The following DGKI variants were observed in gnomAD, a reference collection of about 807,000 sequenced individuals.
DGKI encodes DAG kinase iota.
DGKI carries 55 observed loss-of-function variants against 147.5 expected under a neutral mutation model. The ratio of observed to expected loss-of-function variants is 0.37; its 90% CI spans 0.30 to 0.47. DGKI has a LOEUF of 0.47. Among genes scored for constraint, DGKI ranks in the 20% least tolerant of loss-of-function variants. The probability of loss-of-function intolerance (pLI) is 1.00; values close to 1 mark genes in which losing one functional copy is unlikely to be tolerated. For missense variants in DGKI, 1,007 were observed against 1,323.8 expected, an observed-to-expected ratio of 0.76 and a Z score of 3.71; for synonymous variants, 469 against 477.1, an observed-to-expected ratio of 0.98 and a Z score of 0.22.
intron 1 of DGKI, among the ~76,000 whole-genome samples, chr7:137,724,395 C>A (rs989864848): frequency 2.6e-5 from 4 of 152,122 alleles, no homozygotes; most frequent in African/African-American, 4.8e-5. Context: ...GAGAACATAT[C>A]TGAATTAGTT....
chr7:137,685,793 T>A (rs1007533997), intron 2 of DGKI, among the ~76,000 whole-genome samples: 4 of 152,146 alleles, frequency 2.6e-5, no homozygotes, highest in African/African-American at 9.7e-5. Flanking sequence ...CGCCTTAAAA[T>A]CTAACACAAT....
chr7:137,596,602 A>T (rs1203686161), intron 12 of DGKI, among the ~76,000 whole-genome samples: 1 of 152,232 alleles, frequency 6.6e-6, no homozygotes, highest in African/African-American at 2.4e-5. Context: ...AAAGTTAAAT[A>T]GGTTTGGCTT....
intron 19 of DGKI, among the ~76,000 whole-genome samples, 162 bp downstream of exon 19, chr7:137,571,013 C>T (rs1042480321): frequency 6.6e-6 from 1 of 152,156 alleles, no homozygotes. Context: ...TTCTTAGTGA[C>T]ATAAATGATG....
At chr7:137,723,699 C>CTTTT (rs769605042) in intron 1 of DGKI, among the ~76,000 whole-genome samples, 9 of 104,436 alleles carry the variant, frequency 8.6e-5, no homozygotes, top group Non-Finnish European at 1.2e-4. Context: ...CATGATATCC[C>CTTTT]TTTTTTTTTT....
intron 21 of DGKI, among the ~76,000 whole-genome samples, chr7:137,496,314 A>G (rs2128940200): frequency 6.6e-6 from 1 of 152,278 alleles, no homozygotes; most frequent in Non-Finnish European, 1.5e-5. Context: ...TAGAGATGAC[A>G]CAAACAAATA....
chr7:137,786,509 G>C (rs1322275561), intron 1 of DGKI, among the ~76,000 whole-genome samples: 2 of 151,770 alleles, frequency 1.3e-5, no homozygotes, highest in Non-Finnish European at 2.9e-5. Context: ...CTCATGAGTG[G>C]GTAGAATCAA....
chr7:137,737,366 T>C (rs771219021), intron 1 of DGKI, among the ~76,000 whole-genome samples: 12 of 152,066 alleles, frequency 7.9e-5, no homozygotes, highest in Non-Finnish European at 1.8e-4. Flanking sequence ...TTTGCAGAAA[T>C]TGAATCTGCA....
At chr7:137,664,367 G>A (rs1822555098) in intron 3 of DGKI, among the ~76,000 whole-genome samples, 1 of 96,932 alleles carries the variant, frequency 1.0e-5, no homozygotes, top group South Asian at 3.6e-4. Flanking sequence ...GACAGAGCAA[G>A]ACTCCATCTC....
intron 20 of DGKI, among the ~76,000 whole-genome samples, chr7:137,536,410 T>G (rs538038444): frequency 6.6e-6 from 1 of 152,232 alleles, no homozygotes; most frequent in Non-Finnish European, 1.5e-5. Context: ...TGGTTCTTGC[T>G]AACAGGAAGG....
intron 4 of DGKI, among the ~76,000 whole-genome samples, chr7:137,655,324 G>A (rs1247257208): frequency 5.3e-5 from 8 of 151,476 alleles, no homozygotes; most frequent in South Asian, 2.1e-4. Flanking sequence ...TCAGCCTCCC[G>A]AGTAGCTGGG....
At chr7:137,704,372 T>TA (rs1188769572) in intron 1 of DGKI, among the ~76,000 whole-genome samples, 2 of 152,010 alleles carry the variant, frequency 1.3e-5, no homozygotes, top group African/African-American at 4.8e-5. Flanking sequence ...AAAACTGAAG[T>TA]AAAAATTCAC....
At chr7:137,843,749 A>G (rs1798621120) in intron 1 of DGKI, among the ~76,000 whole-genome samples, 1 of 120,722 alleles carries the variant, frequency 8.3e-6, no homozygotes, top group Admixed American at 9.9e-5. Flanking sequence ...AGCAGATGAG[A>G]CCCCCCTACA....
chr7:137,839,292 A>G (rs1798481271), intron 1 of DGKI, among the ~76,000 whole-genome samples: 1 of 152,260 alleles, frequency 6.6e-6, no homozygotes, highest in Admixed American at 6.5e-5. Flanking sequence ...TACATATTCT[A>G]TACCTTAAAG....
chr7:137,437,423 C>A (rs895413909), intron 28 of DGKI, among the ~76,000 whole-genome samples: 1 of 151,976 alleles, frequency 6.6e-6, no homozygotes, highest in African/African-American at 2.4e-5. Context: ...TATAAAGTAC[C>A]TAGGAATATA....
At chr7:137,837,759 G>C (rs764137705) in intron 1 of DGKI, among the ~76,000 whole-genome samples, 5 of 152,136 alleles carry the variant, frequency 3.3e-5, no homozygotes, top group Admixed American at 3.3e-4. Context: ...TGATGAGAAA[G>C]AAATGTCTGT....
At chr7:137,675,051 G>T (rs1192604997) in intron 3 of DGKI, among the ~76,000 whole-genome samples, 2 of 152,134 alleles carry the variant, frequency 1.3e-5, no homozygotes, top group Non-Finnish European at 2.9e-5. Context: ...TTCATTAAAA[G>T]AAATTAGAAT....
At chr7:137,736,129 T>C (rs1218771664) in intron 1 of DGKI, among the ~76,000 whole-genome samples, 1 of 152,124 alleles carries the variant, frequency 6.6e-6, no homozygotes, top group Non-Finnish European at 1.5e-5. Context: ...CTGCTTCAGT[T>C]CATTCTAATT....
At chr7:137,786,694 T>G (rs1184917165) in intron 1 of DGKI, among the ~76,000 whole-genome samples, 1 of 148,682 alleles carries the variant, frequency 6.7e-6, no homozygotes, top group African/African-American at 2.5e-5. Flanking sequence ...AAAAAAAATC[T>G]GGAGGCATCA....
chr7:137,439,721 T>C (rs1487570241), intron 28 of DGKI, among the ~76,000 whole-genome samples: 3 of 152,208 alleles, frequency 2.0e-5, no homozygotes, highest in Non-Finnish European at 2.9e-5. Flanking sequence ...CTAGTGATTG[T>C]GGTTGTGACA....
Sources: allele counts gnomAD v4.1 joint callset (sites outside exome capture counted in the v4.1 genomes callset), GRCh38; gene constraint gnomAD v4.1.1; transcripts MANE v1.5; gene names NCBI Gene and HGNC (gene_info 2026-07-23, HGNC 2026-07-21).